The following SND1 variants were observed in gnomAD, a reference collection of about 807,000 sequenced individuals.
SND1 encodes the protein staphylococcal nuclease domain-containing protein 1.
Under a neutral mutation model 121.7 loss-of-function variants are expected in SND1, and 38 were observed. The ratio of observed to expected loss-of-function variants is 0.31; its 90% confidence interval spans 0.24 to 0.41. The LOEUF (loss-of-function observed/expected upper bound fraction) is 0.41. Ranked by LOEUF, SND1 falls within the 10% of genes least tolerant of loss-of-function variation. The pLI is 1.00. For missense variants in SND1, 868 were observed against 1,184.6 expected (o/e 0.73, Z 3.92); for synonymous variants, 401 against 447.4 (o/e 0.90, Z 1.31).
chr7:127,891,987 G>T (rs1292532740), intron 13 of SND1, among the ~76,000 whole-genome samples: 6 of 152,096 alleles, frequency 3.9e-5, no homozygotes, highest in African/African-American at 1.2e-4. Context: ...GCATCATTCT[G>T]CTCTGTTCCT....
chr7:127,891,584 G>A (rs1800009732), intron 13 of SND1, among the ~76,000 whole-genome samples: 1 of 151,954 alleles, frequency 6.6e-6, no homozygotes, highest in African/African-American at 2.4e-5. Context: ...TGTTTTCTAG[G>A]TGAACTCTGC....
chr7:127,929,949 A>C (rs1800927200), intron 15 of SND1, among the ~76,000 whole-genome samples: 2 of 152,332 alleles, frequency 1.3e-5, no homozygotes, highest in East Asian at 3.9e-4. Flanking sequence ...TGGTAGCTTA[A>C]TATTTCACAA....
At chr7:128,033,549 CTT>C (rs1792691235) in intron 16 of SND1, among the ~76,000 whole-genome samples, 1 of 152,152 alleles carries the variant, frequency 6.6e-6, no homozygotes, top group South Asian at 2.1e-4. Context: ...TGAGTATTGT[CTT>C]TTGCCCAGTA....
intron 12 of SND1, among the ~76,000 whole-genome samples, chr7:127,845,615 TTCCC>T (rs2116650019): frequency 6.6e-6 from 1 of 152,364 alleles, no homozygotes; most frequent in South Asian, 2.1e-4. Flanking sequence ...AGTTGTATGC[TTCCC>T]TGTTGTAGAG....
intron 10 of SND1, among the ~76,000 whole-genome samples, chr7:127,731,868 C>T (rs531571453): frequency 6.6e-5 from 10 of 152,312 alleles, no homozygotes; most frequent in African/African-American, 1.7e-4. Context: ...TACCTGATAC[C>T]GTAGACGGAA....
At chr7:127,784,311 G>T (rs1407886045) in intron 10 of SND1, among the ~76,000 whole-genome samples, 1 of 152,134 alleles carries the variant, frequency 6.6e-6, no homozygotes. Flanking sequence ...GGCAAACAAA[G>T]CGAGGCCCTT....
chr7:127,973,102 G>A (rs1440972646), intron 15 of SND1, among the ~76,000 whole-genome samples: 4 of 152,214 alleles, frequency 2.6e-5, no homozygotes. Flanking sequence ...TGGGAATGAA[G>A]AGGAAGGAGC....
intron 10 of SND1, among the ~76,000 whole-genome samples, chr7:127,770,411 G>A (rs577438994): frequency 6.6e-6 from 1 of 152,134 alleles, no homozygotes; most frequent in South Asian, 2.1e-4. Flanking sequence ...TGCTGTAACT[G>A]GTACTAAGGA....
intron 10 of SND1, among the ~76,000 whole-genome samples, chr7:127,739,936 G>C (rs755049331): frequency 3.3e-5 from 5 of 152,228 alleles, no homozygotes; most frequent in Non-Finnish European, 5.9e-5. Context: ...GGTGGTAAAA[G>C]GTTGACTAGA....
chr7:128,000,758 G>A (rs1802807952), intron 16 of SND1, among the ~76,000 whole-genome samples: 1 of 152,236 alleles, frequency 6.6e-6, no homozygotes, highest in South Asian at 2.1e-4. Flanking sequence ...CATGCCCATT[G>A]TCTGAATATC....
chr7:127,666,271 C>T (rs756708192), intron 1 of SND1, among the ~76,000 whole-genome samples: 10 of 152,190 alleles, frequency 6.6e-5, no homozygotes, highest in Non-Finnish European at 1.5e-4. Context: ...GCTGCTAGCC[C>T]GGACTGCTTG....
At chr7:127,953,221 T>C (rs1036552105) in intron 15 of SND1, among the ~76,000 whole-genome samples, 2 of 59,448 alleles carry the variant, frequency 3.4e-5, no homozygotes, top group African/African-American at 1.1e-4. Flanking sequence ...TGTGTGTGTG[T>C]ATGTATGAAA....
chr7:128,006,239 CGTGCGTGT>C (rs1300659038), intron 16 of SND1, among the ~76,000 whole-genome samples: 1 of 151,962 alleles, frequency 6.6e-6, no homozygotes, highest in Non-Finnish European at 1.5e-5. Context: ...TGCGTGCGTG[CGTGCGTGT>C]GTGTGTGTGT....
chr7:127,698,997 G>A (rs772017857), intron 4 of SND1, 44 bp downstream of exon 4: 1 of 1,520,858 alleles, frequency 6.6e-7, no homozygotes, highest in Non-Finnish European at 9.1e-7. Flanking sequence ...GCGGTAAATT[G>A]GCTTTGCTGC....
chr7:128,027,094 A>C (rs1803497652), intron 16 of SND1: 1 of 152,638 alleles, frequency 6.6e-6, no homozygotes, highest in South Asian at 2.1e-4. Context: ...AATATTTATT[A>C]AAATACAAAA....
chr7:127,873,734 C>G (rs1296700500), intron 12 of SND1, among the ~76,000 whole-genome samples: 2 of 152,094 alleles, frequency 1.3e-5, no homozygotes, highest in East Asian at 3.9e-4. Context: ...CTTCCTTGAA[C>G]CCCTAGACTC....
intron 3 of SND1, among the ~76,000 whole-genome samples, chr7:127,698,470 C>T (rs550474685): frequency 6.6e-6 from 1 of 152,242 alleles, no homozygotes; most frequent in African/African-American, 2.4e-5. Context: ...AATTAAGATG[C>T]TGGGAGAGCT....
intron 10 of SND1, among the ~76,000 whole-genome samples, chr7:127,803,131 T>C (rs1021598113): frequency 6.6e-6 from 1 of 152,252 alleles, no homozygotes; most frequent in African/African-American, 2.4e-5. Context: ...TGCCTCCCGC[T>C]CCTGCATTCT....
chr7:127,986,126 A>G (rs145649126), intron 15 of SND1, among the ~76,000 whole-genome samples: 1 of 152,324 alleles, frequency 6.6e-6, no homozygotes, highest in African/African-American at 2.4e-5. Flanking sequence ...CTCGAAAAAG[A>G]GTGTAAAATA....
Sources: allele counts gnomAD v4.1 joint callset (sites outside exome capture counted in the v4.1 genomes callset), GRCh38; gene constraint gnomAD v4.1.1; transcripts MANE v1.5; gene names NCBI Gene and HGNC (gene_info 2026-07-23, HGNC 2026-07-21).